Variants in SORBS2 observed in about 807,000 individuals in gnomAD.
The protein encoded by SORBS2 is sorbin and SH3 domain containing 2, also known as sorbin and SH3 domain-containing protein 2.
SORBS2 carries 46 observed loss-of-function variants against 97.7 expected under a neutral mutation model. The ratio of observed to expected loss-of-function variants is 0.47; its 90% CI spans 0.37 to 0.60. SORBS2 has a LOEUF of 0.60. Among genes scored for constraint, SORBS2 ranks in the 20% least tolerant of loss-of-function variants. SORBS2 has a pLI of 0.00. For missense variants in SORBS2, 1,316 were observed against 1,282.3 expected (o/e 1.03, Z -0.40); for synonymous variants, 476 against 473.4 (o/e 1.01, Z -0.07).
chr4:185,672,192 G>A (rs369859755), intron 4 of SORBS2, among the ~76,000 whole-genome samples: 22 of 152,272 alleles, frequency 1.4e-4, no homozygotes, highest in African/African-American at 5.3e-4. Context: ...GTCCTCCTTA[G>A]TATCTACATA....
intron 1 of SORBS2, among the ~76,000 whole-genome samples, chr4:185,799,694 C>T (rs1585033542): frequency 6.6e-6 from 1 of 152,174 alleles, no homozygotes; most frequent in East Asian, 1.9e-4. Flanking sequence ...CCAGGAACAA[C>T]CAACACCAGT....
intron 1 of SORBS2, among the ~76,000 whole-genome samples, chr4:185,908,244 C>G (rs2099252247): frequency 1.6e-5 from 2 of 125,934 alleles, no homozygotes; most frequent in South Asian, 5.5e-4. Context: ...AAATTATGGT[C>G]TGAAATGAAC....
At chr4:185,725,333 T>C (rs1414859848) in intron 2 of SORBS2, among the ~76,000 whole-genome samples, 1 of 152,210 alleles carries the variant, frequency 6.6e-6, no homozygotes, top group East Asian at 1.9e-4. Flanking sequence ...AACTACCCAC[T>C]TGTGTTCAAA....
upstream of SORBS2, chr4:185,657,507 T>C: frequency 6.4e-7 from 1 of 1,568,682 alleles, no homozygotes; most frequent in Non-Finnish European, 8.6e-7. Context: ...GTCACTCTCT[T>C]CTCTTCCTCT....
chr4:185,799,287 G>A (rs759734736), intron 1 of SORBS2, among the ~76,000 whole-genome samples: 3 of 152,108 alleles, frequency 2.0e-5, no homozygotes, highest in Non-Finnish European at 4.4e-5. Context: ...GACAAATTTA[G>A]CAACTCCTTT....
At chr4:185,752,686 A>G (rs1322728653) in intron 2 of SORBS2, among the ~76,000 whole-genome samples, 1 of 152,258 alleles carries the variant, frequency 6.6e-6, no homozygotes, top group Non-Finnish European at 1.5e-5. Flanking sequence ...TGCTAAGCAC[A>G]GTCCTTTACA....
At chr4:185,626,409 C>A (rs1171068998) in intron 6 of SORBS2, among the ~76,000 whole-genome samples, 1 of 152,190 alleles carries the variant, frequency 6.6e-6, no homozygotes, top group African/African-American at 2.4e-5. Context: ...ACCCTCCAAA[C>A]CAATGTATAT....
intron 1 of SORBS2, among the ~76,000 whole-genome samples, chr4:185,956,007 G>A (rs2099279360): frequency 6.6e-6 from 1 of 152,188 alleles, no homozygotes; most frequent in East Asian, 1.9e-4. Flanking sequence ...GTCAGCTTAA[G>A]CAACGTAAAG....
chr4:185,790,010 T>C (rs532335817), intron 1 of SORBS2, among the ~76,000 whole-genome samples: 1 of 152,278 alleles, frequency 6.6e-6, no homozygotes, highest in East Asian at 1.9e-4. Context: ...AGAAACAATA[T>C]ATCTACTGTA....
At chr4:185,930,455 G>A (rs899477921) in intron 1 of SORBS2, among the ~76,000 whole-genome samples, 16 of 151,414 alleles carry the variant, frequency 1.1e-4, no homozygotes, top group Non-Finnish European at 5.9e-5. Flanking sequence ...CCACCACCAC[G>A]CCCGGCTAAT....
chr4:185,688,507 TAG>T (rs2098022537), intron 2 of SORBS2, among the ~76,000 whole-genome samples: 3 of 121,158 alleles, frequency 2.5e-5, no homozygotes, highest in African/African-American at 1.0e-4. Flanking sequence ...GATAGATAAA[TAG>T]ATAGATAGAT....
intron 2 of SORBS2, among the ~76,000 whole-genome samples, chr4:185,718,925 A>C (rs72702070): frequency 0.03 from 4,495 of 152,362 alleles, 69 homozygotes; most frequent in Middle Eastern, 0.048. Context: ...TGCTCTATGC[A>C]GACCTGTCAT....
At chr4:185,753,743 G>GT (rs1359553237) in intron 2 of SORBS2, among the ~76,000 whole-genome samples, 1 of 152,168 alleles carries the variant, frequency 6.6e-6, no homozygotes, top group East Asian at 1.9e-4. Flanking sequence ...ATTCTCTGGT[G>GT]TTTTTTCTTG....
chr4:185,741,404 G>GTTTTTTTTTTTTTTTTTTTTTTTTTTTTT (rs58376567), intron 2 of SORBS2, among the ~76,000 whole-genome samples: 1 of 111,666 alleles, frequency 9.0e-6, no homozygotes, highest in African/African-American at 3.5e-5. Context: ...TTTTTTTTTT[G>GTTTTTTTTTTTTTTTTTTTTTTTTTTTTT]TTTTTTTTTT....
At chr4:185,846,997 G>C (rs1442202650) in intron 1 of SORBS2, among the ~76,000 whole-genome samples, 1 of 152,086 alleles carries the variant, frequency 6.6e-6, no homozygotes, top group Admixed American at 6.5e-5. Context: ...TGACTCACTG[G>C]GGCCATGCTC....
chr4:185,893,971 G>A (rs536474653), intron 1 of SORBS2, among the ~76,000 whole-genome samples: 11 of 152,092 alleles, frequency 7.2e-5, no homozygotes, highest in African/African-American at 1.9e-4. Flanking sequence ...AGGGTGCCTC[G>A]GAGCCTGTCT....
At chr4:185,912,186 A>C (rs920677317) in intron 1 of SORBS2, among the ~76,000 whole-genome samples, 1 of 152,136 alleles carries the variant, frequency 6.6e-6, no homozygotes, top group Non-Finnish European at 1.5e-5. Context: ...TTCTTTTCTC[A>C]GTGGTGTGTA....
At chr4:185,675,987 C>T (rs1259854938) in intron 4 of SORBS2, among the ~76,000 whole-genome samples, 1 of 152,010 alleles carries the variant, frequency 6.6e-6, no homozygotes. Flanking sequence ...AGTATATCTC[C>T]TCGAGGATAT....
chr4:185,721,425 A>C (rs2153560483), intron 2 of SORBS2, among the ~76,000 whole-genome samples: 1 of 152,222 alleles, frequency 6.6e-6, no homozygotes, highest in Non-Finnish European at 1.5e-5. Flanking sequence ...CTCTTTGCAG[A>C]CAAGATCAGC....
Sources: allele counts gnomAD v4.1 joint callset (sites outside exome capture counted in the v4.1 genomes callset), GRCh38; gene constraint gnomAD v4.1.1; transcripts MANE v1.5; gene names NCBI Gene and HGNC (gene_info 2026-07-23, HGNC 2026-07-21).